The following CCDC88A variants were observed in gnomAD, a reference collection of about 807,000 sequenced individuals.
CCDC88A encodes the protein coiled-coil and HOOK domain protein 88A, also known as girdin.
In CCDC88A, 54 loss-of-function variants were observed where a neutral mutation model predicts 234.3. The observed-to-expected ratio is 0.23, with a 90% CI of 0.19 to 0.29. CCDC88A has a LOEUF of 0.29. Ranked by LOEUF, CCDC88A falls within the 10% of genes least tolerant of loss-of-function variation. The pLI is 1.00. For missense variants in CCDC88A, 1,832 were observed against 2,123.4 expected (o/e 0.86, Z 2.70); for synonymous variants, 753 against 737.8 (o/e 1.02, Z -0.33).
intron 16 of CCDC88A, chr2:55,329,617 T>C (rs1234909406): frequency 6.6e-6 from 1 of 152,152 alleles, no homozygotes; most frequent in East Asian, 1.9e-4. Flanking sequence ...AGATGATGTA[T>C]GGGAATGCTC....
At chr2:55,326,000 T>C (rs1453379040) in intron 17 of CCDC88A, among the ~76,000 whole-genome samples, 1 of 151,752 alleles carries the variant, frequency 6.6e-6, no homozygotes, top group African/African-American at 2.4e-5. Flanking sequence ...TTCTGATAGG[T>C]AGCATATAGA....
intron 13 of CCDC88A, among the ~76,000 whole-genome samples, chr2:55,338,403 A>C (rs1668063415): frequency 6.6e-6 from 1 of 152,232 alleles, no homozygotes; most frequent in Non-Finnish European, 1.5e-5. Context: ...AGCATCACTT[A>C]GGAACTTCTT....
intron 31 of CCDC88A, chr2:55,294,391 A>T: frequency 1.1e-6 from 1 of 939,380 alleles, no homozygotes. Flanking sequence ...GGGTTTTCTA[A>T]GAATAACACT....
chr2:55,404,965 G>C (rs1679305199), intron 2 of CCDC88A: 1 of 152,166 alleles, frequency 6.6e-6, no homozygotes, highest in South Asian at 2.1e-4. Context: ...CTGACCGCAG[G>C]TAATCCGCAA....
At chr2:55,378,100 T>C (rs890279608) in intron 3 of CCDC88A, among the ~76,000 whole-genome samples, 1 of 152,120 alleles carries the variant, frequency 6.6e-6, no homozygotes, top group African/African-American at 2.4e-5. Context: ...GTTGGTACAC[T>C]GTTATAAGCA....
In CCDC88A at chr2:55,328,437, T is replaced by C. The variant is rs1469721634; in HGVS notation, c.2856-2A>G. ...TTTGATTCCAAAAGTTTATACCTAC[T>C]ATCCAAGTACAAAGTAATGTAGTTC... On this transcript the variant is annotated splice_acceptor_variant, in intron 16 of 32. Transcript: ENST00000436346. LOFTEE classifies it high-confidence loss of function. The surrounding 1 kb of genome is among the most constrained non-coding windows in gnomAD (Gnocchi z 4.3). The C allele has an allele frequency of 1.3e-6, 2 of 1,546,634 alleles. No individual in the cohort carries two copies. Among genetic ancestry groups the C allele is most frequent in the South Asian group, 1.2e-5 (1 of 82,010 alleles).
At chr2:55,395,171 T>C (rs1677319884) in intron 2 of CCDC88A, among the ~76,000 whole-genome samples, 1 of 152,164 alleles carries the variant, frequency 6.6e-6, no homozygotes, top group Non-Finnish European at 1.5e-5. Context: ...AGATGAGATC[T>C]CTCACTATGT....
At chr2:55,294,815 T>C (rs1397657371) in intron 31 of CCDC88A, 23 of 1,024,384 alleles carry the variant, frequency 2.2e-5, no homozygotes, top group Non-Finnish European at 2.6e-5. Flanking sequence ...AGGAGGAGCA[T>C]GTATGGTTAA....
chr2:55,307,761 C>T (rs537372909), intron 25 of CCDC88A, among the ~76,000 whole-genome samples: 51 of 151,578 alleles, frequency 3.4e-4, no homozygotes, highest in Non-Finnish European at 1.5e-4. Context: ...GCAGGGATTA[C>T]ATGCATGAGC....
At chr2:55,341,174 C>G (rs1164023877) in intron 12 of CCDC88A, among the ~76,000 whole-genome samples, 1 of 115,746 alleles carries the variant, frequency 8.6e-6, no homozygotes, top group Non-Finnish European at 1.6e-5. Flanking sequence ...GAGACAGAGT[C>G]TTGCTCTGTC....
intron 5 of CCDC88A, among the ~76,000 whole-genome samples, chr2:55,368,504 T>C (rs996573067): frequency 6.6e-6 from 1 of 151,980 alleles, no homozygotes; most frequent in Non-Finnish European, 1.5e-5. Context: ...AATTTTTTTT[T>C]GTATAAATAG....
chr2:55,315,330 C>T (rs528668683), intron 22 of CCDC88A: 1 of 152,344 alleles, frequency 6.6e-6, no homozygotes, highest in East Asian at 1.9e-4. Flanking sequence ...ATGGGAAGAA[C>T]CCCAAGATAA....
At chr2:55,358,448 G>C (rs564555799) in intron 7 of CCDC88A, among the ~76,000 whole-genome samples, 1 of 152,188 alleles carries the variant, frequency 6.6e-6, no homozygotes, top group South Asian at 2.1e-4. Flanking sequence ...TACAGATCTT[G>C]CTATCCATTT....
intron 22 of CCDC88A, chr2:55,315,180 G>C (rs563738622): frequency 6.6e-6 from 1 of 152,310 alleles, no homozygotes; most frequent in Admixed American, 6.5e-5. Flanking sequence ...ACCTTTGACA[G>C]CTCTCCCACG....
intron 3 of CCDC88A, among the ~76,000 whole-genome samples, chr2:55,383,253 T>A (rs1246550062): frequency 1.3e-5 from 2 of 152,126 alleles, no homozygotes; most frequent in African/African-American, 4.8e-5. Context: ...AAAAAATTTT[T>A]TGGGAAACAT....
intron 12 of CCDC88A, among the ~76,000 whole-genome samples, chr2:55,340,745 T>C (rs949474949): frequency 3.9e-5 from 6 of 152,220 alleles, no homozygotes; most frequent in Non-Finnish European, 8.8e-5. Context: ...TCCAGTTCCA[T>C]TCATTATCCC....
intron 3 of CCDC88A, among the ~76,000 whole-genome samples, chr2:55,376,351 C>T (rs751727728): frequency 1.3e-5 from 2 of 152,168 alleles, no homozygotes; most frequent in Admixed American, 6.5e-5. Context: ...AGGTATTCAA[C>T]TCTTTCTGAA....
In CCDC88A at chr2:55,334,603, C is replaced by T. The variant is rs188706853; in HGVS notation, c.2218G>A (p.Gly740Ser). ...AAAGATGCTTTCAGGAGCTCCAAAC[C>T]CTTCTTAAGTTGCTCTTTTTCACTT... is the stretch of plus-strand genomic sequence containing the variant. ...LESEKEQLKK[G>S]LELLKASFKK... Residue 740 changes from glycine (G) to serine (S), a missense_variant, in exon 15 of 33, where the codon GGT (glycine) becomes AGT (serine). Transcript: ENST00000436346. The surrounding 1 kb of genome is among the most constrained non-coding windows in gnomAD (Gnocchi z 6.1). 50 of 1,613,348 alleles carry T rather than the reference C, an allele frequency of 3.1e-5. No homozygotes were observed. In the African/African-American group the frequency reaches 4.8e-4, roughly 16 times the overall value.
chr2:55,392,405 T>C (rs1193914297), intron 2 of CCDC88A, among the ~76,000 whole-genome samples: 2 of 152,224 alleles, frequency 1.3e-5, no homozygotes, highest in African/African-American at 4.8e-5. Flanking sequence ...GCACTCAATC[T>C]ACAAATTTAT....
Sources: allele counts gnomAD v4.1 joint callset (sites outside exome capture counted in the v4.1 genomes callset), GRCh38; gene constraint gnomAD v4.1.1; non-coding constraint Gnocchi (gnomAD v3.1); transcripts MANE v1.5; gene names NCBI Gene and HGNC (gene_info 2026-07-23, HGNC 2026-07-21).